BABAM2: variants seen among roughly 807,000 people sequenced by gnomAD.
The protein encoded by BABAM2 is BRISC and BRCA1 A complex member 2.
Under a neutral mutation model 54.7 loss-of-function variants are expected in BABAM2, and 31 were observed. That is an observed-to-expected ratio of 0.57 (90% CI 0.43 to 0.77). The LOEUF (loss-of-function observed/expected upper bound fraction) is 0.77, where lower values mean the gene tolerates loss of function less well. BABAM2 is among the 30% of genes least tolerant of loss of function. The probability of loss-of-function intolerance (pLI) is 0.00; values close to 1 mark genes in which losing one functional copy is unlikely to be tolerated. For missense variants in BABAM2, 364 were observed against 455.8 expected, an observed-to-expected ratio of 0.80 and a Z score of 1.83; for synonymous variants, 167 against 162.9, an observed-to-expected ratio of 1.03 and a Z score of -0.19.
intron 7 of BABAM2, among the ~76,000 whole-genome samples, chr2:28,143,420 G>C (rs191616624): frequency 1.3e-3 from 191 of 152,184 alleles, no homozygotes; most frequent in Non-Finnish European, 2.2e-3. Context: ...TAAATCTAGA[G>C]ATCAGATATA....
chr2:28,161,213 GCCC>G (rs1203668799), intron 7 of BABAM2, among the ~76,000 whole-genome samples: 1 of 152,166 alleles, frequency 6.6e-6, no homozygotes, highest in Non-Finnish European at 1.5e-5. Flanking sequence ...GAGAGCACAT[GCCC>G]AACCATTGCC....
chr2:28,165,658 C>T (rs1673595461), intron 7 of BABAM2, among the ~76,000 whole-genome samples: 1 of 151,362 alleles, frequency 6.6e-6, no homozygotes, highest in Admixed American at 6.6e-5. Context: ...CCTCAGCCTC[C>T]TGAGTAGCTG....
chr2:27,939,174 ATG>A (rs1249642934), intron 3 of BABAM2, among the ~76,000 whole-genome samples: 4 of 152,108 alleles, frequency 2.6e-5, no homozygotes, highest in Non-Finnish European at 4.4e-5. Context: ...GATGGTCTCG[ATG>A]TCTTGACCTA....
intron 1 of BABAM2, chr2:27,891,242 C>G (rs558779678): frequency 1.3e-5 from 2 of 152,282 alleles, no homozygotes; most frequent in East Asian, 3.9e-4. Context: ...CCCAGTGTAA[C>G]TTCCCTCGTG....
chr2:28,155,117 G>A (rs1346326817), intron 7 of BABAM2, among the ~76,000 whole-genome samples: 1 of 151,962 alleles, frequency 6.6e-6, no homozygotes, highest in Non-Finnish European at 1.5e-5. Flanking sequence ...TTGAAGGTCG[G>A]CACCTCAGAA....
At chr2:27,986,831 A>G (rs1558638529) in intron 3 of BABAM2, among the ~76,000 whole-genome samples, 2 of 152,188 alleles carry the variant, frequency 1.3e-5, no homozygotes, top group East Asian at 1.9e-4. Context: ...ACATATTTTT[A>G]TACATTACAA....
Position 27,897,717 on chromosome 2 carries a change from C to A in BABAM2, c.128+3033C>A, listed in dbSNP as rs553791750. ...GCAGGCCTGGTGCTCAGACAGACTT[C>A]CCCAGCTTATAAATGGTGGTAGGAA... On this transcript the variant is annotated intron_variant, in intron 2 of 11. Coordinates refer to ENST00000379624, the MANE Select transcript of BABAM2 (RefSeq NM_199191.3). 6.6e-5 allele frequency among the ~76,000 whole-genome samples: 10 copies of A among 152,046 alleles called. No individual in the cohort carries two copies. In the East Asian group the frequency reaches 1.9e-3, roughly 29 times the overall value.
intron 5 of BABAM2, among the ~76,000 whole-genome samples, chr2:28,026,916 T>TATA: frequency 2.9e-5 from 1 of 34,706 alleles, no homozygotes; most frequent in Non-Finnish European, 6.1e-5. Flanking sequence ...AAATATATAT[T>TATA]AATATATATA....
intron 4 of BABAM2, among the ~76,000 whole-genome samples, chr2:28,000,111 C>A (rs939993710): frequency 1.3e-5 from 2 of 152,124 alleles, no homozygotes; most frequent in Non-Finnish European, 2.9e-5. Context: ...ACATTTGTGA[C>A]AATTTGTCCA....
intron 7 of BABAM2, among the ~76,000 whole-genome samples, chr2:28,185,827 A>G (rs1676222175): frequency 6.6e-6 from 1 of 152,124 alleles, no homozygotes; most frequent in South Asian, 2.1e-4. Context: ...CCATCTACAA[A>G]GACCACTGGG....
At chr2:28,181,550 A>C (rs1675626114) in intron 7 of BABAM2, among the ~76,000 whole-genome samples, 1 of 152,198 alleles carries the variant, frequency 6.6e-6, no homozygotes. Flanking sequence ...AATAGCTAGA[A>C]GAAAAGACTT....
chr2:28,004,079 A>C (rs1002926781), intron 4 of BABAM2, among the ~76,000 whole-genome samples: 43 of 151,872 alleles, frequency 2.8e-4, no homozygotes, highest in African/African-American at 9.7e-4. Flanking sequence ...GAAGAGTCTC[A>C]TAAATTTTGA....
intron 11 of BABAM2, chr2:28,327,594 C>A: frequency 1.0e-6 from 1 of 957,338 alleles, no homozygotes. Context: ...AGACCACAGT[C>A]AGCCTTCTCA....
At chr2:28,297,261 C>A (rs1687773814) in intron 10 of BABAM2, among the ~76,000 whole-genome samples, 1 of 152,204 alleles carries the variant, frequency 6.6e-6, no homozygotes, top group Admixed American at 6.5e-5. Context: ...CTGGTTTGCT[C>A]ACCTGTTAAA....
At chr2:28,335,329 C>T (rs1460501207) in intron 11 of BABAM2, among the ~76,000 whole-genome samples, 1 of 151,982 alleles carries the variant, frequency 6.6e-6, no homozygotes, top group African/African-American at 2.4e-5. Context: ...ACCACCACAC[C>T]CGGCTAATTT....
intron 6 of BABAM2, among the ~76,000 whole-genome samples, chr2:28,118,241 T>C (rs1166163117): frequency 6.6e-6 from 1 of 152,234 alleles, no homozygotes; most frequent in African/African-American, 2.4e-5. Context: ...TACCCAGTAA[T>C]GGGATTGCTG....
intron 3 of BABAM2, among the ~76,000 whole-genome samples, chr2:27,967,780 G>A (rs1670931723): frequency 1.3e-5 from 2 of 152,200 alleles, no homozygotes; most frequent in South Asian, 4.1e-4. Context: ...GGGAACTGGA[G>A]CAAAGGTGAC....
intron 6 of BABAM2, among the ~76,000 whole-genome samples, chr2:28,082,361 A>G (rs1261595316): frequency 6.6e-6 from 1 of 152,236 alleles, no homozygotes; most frequent in Non-Finnish European, 1.5e-5. Flanking sequence ...AAAGAAGAGC[A>G]GAAATACTGG....
At chr2:27,983,235 C>T (rs922452788) in intron 3 of BABAM2, among the ~76,000 whole-genome samples, 1 of 151,688 alleles carries the variant, frequency 6.6e-6, no homozygotes, top group Non-Finnish European at 1.5e-5. Context: ...TACTTTTTTG[C>T]CCCATTGAAT....
Sources: allele counts gnomAD v4.1 joint callset (sites outside exome capture counted in the v4.1 genomes callset), GRCh38; gene constraint gnomAD v4.1.1; transcripts MANE v1.5; gene names NCBI Gene and HGNC (gene_info 2026-07-23, HGNC 2026-07-21).